Variants in PTPRJ observed in about 807,000 individuals in gnomAD.
The protein encoded by PTPRJ is protein tyrosine phosphatase receptor type J, also known as receptor-type tyrosine-protein phosphatase eta.
In PTPRJ, 129 loss-of-function variants were observed where a neutral mutation model predicts 141.3. That is an observed-to-expected ratio of 0.91 (90% CI 0.79 to 1.06). PTPRJ has a LOEUF of 1.06. Ranked by LOEUF, PTPRJ falls within the 50% of genes least tolerant of loss-of-function variation. The pLI, the probability that PTPRJ is intolerant of heterozygous loss-of-function variation, is 0.00. For missense variants in PTPRJ, 1,601 were observed against 1,679.7 expected, an observed-to-expected ratio of 0.95 and a Z score of 0.82; for synonymous variants, 610 against 640.5, an observed-to-expected ratio of 0.95 and a Z score of 0.72.
At chr11:47,993,739 G>T (rs573066898) in intron 1 of PTPRJ, among the ~76,000 whole-genome samples, 1 of 152,262 alleles carries the variant, frequency 6.6e-6, no homozygotes, top group South Asian at 2.1e-4. Context: ...GCACTGATTT[G>T]CATGGGCCTG....
At chr11:48,051,198 C>T (rs918194688) in intron 1 of PTPRJ, among the ~76,000 whole-genome samples, 43 of 145,490 alleles carry the variant, frequency 3.0e-4, no homozygotes, top group African/African-American at 1.0e-3. Flanking sequence ...CGGATTCAAG[C>T]GATTCTCCTG....
intron 1 of PTPRJ, among the ~76,000 whole-genome samples, chr11:47,986,539 C>T (rs184459629): frequency 7.0e-4 from 106 of 152,232 alleles, no homozygotes; most frequent in African/African-American, 2.5e-3. Flanking sequence ...TTTTTTAAGA[C>T]GGAGTCTCAC....
chr11:48,069,684 C>A (rs1336309110), intron 1 of PTPRJ, among the ~76,000 whole-genome samples: 42 of 151,776 alleles, frequency 2.8e-4, no homozygotes, highest in Non-Finnish European at 4.4e-5. Flanking sequence ...ATCTCCTGAC[C>A]TCGTGATCCG....
chr11:48,167,600 A>G lies in PTPRJ; in HGVS notation c.*238A>G, dbSNP rs1010917205. On this transcript the variant is annotated 3_prime_UTR_variant, in exon 25 of 25. Coordinates refer to ENST00000418331, the MANE Select transcript of PTPRJ (RefSeq NM_002843.4). ...TCCTGATGACCAATGGGATGAGGTC[A>G]CTTTTTTTTTTTTTCCCCCTTGAGG... 1 of 376,608 alleles carries G rather than the reference A, an allele frequency of 2.7e-6. No individual in the cohort carries two copies. The highest frequency in any genetic ancestry group is 4.0e-5 in the East Asian group (1 of 25,006). 23.3% of individuals were successfully genotyped at this position (376,608 alleles called of 1,614,324 possible). A position where few individuals can be genotyped will look rare whatever the true frequency, so the allele number is the denominator to read the frequency against.
Position 48,123,734 on chromosome 11 carries a change from T to C in PTPRJ, c.738T>C (p.His246=). The part of the protein sequence containing the change: ...CRVLLESIGS[H]EELTQDSRLQ... ...TTCTTCTTGAAAGCATTGGAAGCCA[T>C]GAGGAGTTGACTCAAGACTCAAGAC... is the stretch of plus-strand genomic sequence containing the variant. Residue 246 remains histidine, a synonymous_variant, in exon 5 of 25, where the codon CAT becomes CAC. Coordinates refer to ENST00000418331, the MANE Select transcript of PTPRJ (RefSeq NM_002843.4). 6.2e-7 allele frequency: 1 copy of C among 1,614,130 alleles called. No individual in the cohort carries two copies. Among genetic ancestry groups the C allele is most frequent in the Non-Finnish European group, 8.5e-7 (1 of 1,180,032 alleles).
intron 1 of PTPRJ, among the ~76,000 whole-genome samples, chr11:48,091,879 C>T (rs560302555): frequency 6.6e-6 from 1 of 152,308 alleles, no homozygotes; most frequent in South Asian, 2.1e-4. Flanking sequence ...GAGGATAGGA[C>T]TGGGCTGAAG....
chr11:48,170,746 C>T lies in PTPRJ; in HGVS notation c.*3384C>T, dbSNP rs1590580346. On this transcript the variant is annotated 3_prime_UTR_variant, in exon 25 of 25. Transcript: ENST00000418331. ...TTTGTTATACTTGTACAGAGTATTGCTGTTGGTTGCTTTTTTTTTTTTTAA... is the reference window on the plus strand; with the variant it reads ...TTTGTTATACTTGTACAGAGTATTGTTGTTGGTTGCTTTTTTTTTTTTTAA... 1.0e-5 allele frequency: 1 copy of T among 99,072 alleles called. No homozygotes were observed. Among genetic ancestry groups the T allele is most frequent in the African/African-American group, 4.0e-5 (1 of 25,248 alleles). The allele number at this position is 99,072 out of a possible 1,614,324, so 6.1% of individuals were successfully genotyped here. A position where few individuals can be genotyped will look rare whatever the true frequency, so the allele number is the denominator to read the frequency against.
At chr11:48,159,123 G>GGGTGTGTGTGTCTGTGTGTGTC (rs1555058316) in intron 21 of PTPRJ, among the ~76,000 whole-genome samples, 5 of 139,468 alleles carry the variant, frequency 3.6e-5, no homozygotes, top group Non-Finnish European at 7.7e-5. Flanking sequence ...TGTATGTGGG[G>GGGTGTGTGTGTCTGTGTGTGTC]TGTGTGTGTG....
At chr11:47,982,168 A>G (rs1294287324) in intron 1 of PTPRJ, among the ~76,000 whole-genome samples, 1 of 152,196 alleles carries the variant, frequency 6.6e-6, no homozygotes, top group Admixed American at 6.5e-5. Flanking sequence ...CTCGGCACCC[A>G]AGGGTCTCTC....
intron 1 of PTPRJ, among the ~76,000 whole-genome samples, chr11:48,025,776 C>T (rs531787033): frequency 1.4e-4 from 21 of 152,356 alleles, no homozygotes; most frequent in African/African-American, 4.6e-4. Flanking sequence ...CTAAATGGCG[C>T]GTCAGCTCCT....
intron 1 of PTPRJ, among the ~76,000 whole-genome samples, chr11:48,084,614 G>C (rs1172538144): frequency 1.3e-5 from 2 of 152,170 alleles, no homozygotes; most frequent in Non-Finnish European, 2.9e-5. Flanking sequence ...AGCCCTGATT[G>C]GTTGATACAG....
At chr11:48,147,527 G>A (rs535230425) in intron 15 of PTPRJ, among the ~76,000 whole-genome samples, 3 of 152,358 alleles carry the variant, frequency 2.0e-5, no homozygotes, top group Admixed American at 2.0e-4. Context: ...GCCTGCATCT[G>A]TGCTTTCTGT....
At chr11:48,145,151 C>G (rs1857321416) in intron 14 of PTPRJ, 27 bp downstream of exon 14, 1 of 1,612,832 alleles carries the variant, frequency 6.2e-7, no homozygotes, top group Admixed American at 1.7e-5. Flanking sequence ...AGTCCTGGCA[C>G]TGGTTCAGTG....
At chr11:48,101,493 A>C (rs890597425) in intron 1 of PTPRJ, among the ~76,000 whole-genome samples, 1 of 152,146 alleles carries the variant, frequency 6.6e-6, no homozygotes, top group South Asian at 2.1e-4. Flanking sequence ...GATAGGGCTA[A>C]CCCTTGGCTT....
intron 1 of PTPRJ, among the ~76,000 whole-genome samples, chr11:48,019,701 T>C (rs973756002): frequency 2.0e-5 from 3 of 152,212 alleles, no homozygotes. Context: ...GTTGATTTGC[T>C]TTTTAAAAAC....
intron 18 of PTPRJ, among the ~76,000 whole-genome samples, chr11:48,151,323 T>C (rs1283345596): frequency 1.3e-5 from 2 of 151,804 alleles, no homozygotes; most frequent in African/African-American, 4.8e-5. Context: ...TGCCTCTGTG[T>C]TCACATGGCC....
intron 22 of PTPRJ, among the ~76,000 whole-genome samples, chr11:48,161,132 T>G (rs1857761314): frequency 7.8e-6 from 1 of 128,430 alleles, no homozygotes; most frequent in South Asian, 2.4e-4. Flanking sequence ...GAACCGAGAT[T>G]GTGCCACTGC....
intron 10 of PTPRJ, 97 bp from the exon 11 acceptor site, chr11:48,139,389 C>G: frequency 7.5e-7 from 1 of 1,336,196 alleles, no homozygotes; most frequent in South Asian, 1.4e-5. Flanking sequence ...ACATCACCCA[C>G]CCACCTTCTC....
chr11:48,129,630 T>C (rs1164500060), intron 7 of PTPRJ, among the ~76,000 whole-genome samples: 2 of 152,128 alleles, frequency 1.3e-5, no homozygotes, highest in Non-Finnish European at 2.9e-5. Context: ...AAATGACTCC[T>C]GGACTAAGTC....
Sources: allele counts gnomAD v4.1 joint callset (sites outside exome capture counted in the v4.1 genomes callset), GRCh38; gene constraint gnomAD v4.1.1; transcripts MANE v1.5; gene names NCBI Gene and HGNC (gene_info 2026-07-23, HGNC 2026-07-21).